Variants in SLC16A7 observed in about 807,000 individuals in gnomAD.
SLC16A7 encodes the protein solute carrier family 16 member 7, also known as monocarboxylate transporter 2.
Under a neutral mutation model 34.9 loss-of-function variants are expected in SLC16A7, and 33 were observed. The ratio of observed to expected loss-of-function variants is 0.94; its 90% CI spans 0.72 to 1.26. The LOEUF is 1.26. Among genes scored for constraint, SLC16A7 ranks in the 50% most tolerant of loss-of-function variants. SLC16A7 has a pLI of 0.00. For synonymous variants in SLC16A7, 201 were observed against 206.6 expected (o/e 0.97, Z 0.23); for missense variants, 573 against 578.1 (o/e 0.99, Z 0.09).
intron 1 of SLC16A7, among the ~76,000 whole-genome samples, chr12:59,651,729 C>T (rs973424091): frequency 2.0e-5 from 3 of 152,162 alleles, no homozygotes; most frequent in Non-Finnish European, 4.4e-5. Context: ...TAGTCAGCCA[C>T]TTATCAGCTG....
chr12:59,642,579 A>T (rs189665036), intron 1 of SLC16A7, among the ~76,000 whole-genome samples: 3 of 152,224 alleles, frequency 2.0e-5, no homozygotes, highest in African/African-American at 7.2e-5. Context: ...AAAGTTAAGA[A>T]TGAAGATGGA....
chr12:59,686,906 A>G (rs935507216), intron 2 of SLC16A7, among the ~76,000 whole-genome samples: 3 of 152,040 alleles, frequency 2.0e-5, no homozygotes, highest in African/African-American at 7.2e-5. Context: ...AATATATTAT[A>G]TATTTGAAAA....
intron 2 of SLC16A7, among the ~76,000 whole-genome samples, chr12:59,656,726 G>C (rs528919462): frequency 1.7e-4 from 26 of 152,056 alleles, no homozygotes; most frequent in African/African-American, 5.8e-4. Context: ...TATGCCAAGA[G>C]GTTATTAGGT....
rs190756927 is a variant in SLC16A7 at position 59,702,535 on chromosome 12, G to A, written c.-30-2237G>A. The stretch of plus-strand genomic sequence containing the variant: ...TGCACGACATTAACTTATAGAAGTG[G>A]CTTTGCCCCAATTACTGTGATTGAC... On this transcript the variant is annotated intron_variant, in intron 2 of 5. Coordinates refer to ENST00000547379, the MANE Select transcript of SLC16A7 (RefSeq NM_001270623.2). Among the ~76,000 whole-genome samples the A allele has an allele frequency of 1.4e-3, 218 of 152,106 alleles. 1 individual carries two copies. The highest frequency in any genetic ancestry group is 5.2e-3 in the African/African-American group (214 of 41,546).
Position 59,774,758 on chromosome 12 carries a change from C to A in SLC16A7, c.463C>A (p.Pro155Thr). ...AAATGGATTGGCCATGGCAGGAAGT[C>A]CTGTTTTCTTAAGTTCATTGGCTCC... ...MANGLAMAGS[P>T]VFLSSLAPFN... The change falls in exon 5 of 6, where the codon CCT becomes ACT. Residue 155 changes from proline to threonine, a missense_variant. Coordinates refer to ENST00000547379, the MANE Select transcript of SLC16A7 (RefSeq NM_001270623.2). 3.1e-6 allele frequency: 5 copies of A among 1,613,814 alleles called. No individual in the cohort carries two copies. The highest frequency in any genetic ancestry group is 4.2e-6 in the Non-Finnish European group (5 of 1,179,862).
At chr12:59,732,342 C>A (rs2137247303) in intron 3 of SLC16A7, among the ~76,000 whole-genome samples, 1 of 152,202 alleles carries the variant, frequency 6.6e-6, no homozygotes, top group Non-Finnish European at 1.5e-5. Flanking sequence ...ATTGCTTGAA[C>A]CTGGGAGGTG....
intron 1 of SLC16A7, among the ~76,000 whole-genome samples, chr12:59,609,091 A>G (rs915884905): frequency 6.6e-6 from 1 of 152,230 alleles, no homozygotes; most frequent in Non-Finnish European, 1.5e-5. Context: ...AAGGCATACA[A>G]TTTATTGTCA....
intron 2 of SLC16A7, among the ~76,000 whole-genome samples, chr12:59,694,764 C>A (rs1026309940): frequency 1.3e-5 from 2 of 151,872 alleles, no homozygotes; most frequent in African/African-American, 4.8e-5. Context: ...AAAACACTAC[C>A]TTTCATTTTT....
intron 3 of SLC16A7, among the ~76,000 whole-genome samples, chr12:59,744,791 G>T (rs778285265): frequency 2.0e-5 from 3 of 152,172 alleles, no homozygotes; most frequent in Non-Finnish European, 4.4e-5. Context: ...GGCCCTGGAT[G>T]GAGATTGGTC....
intron 3 of SLC16A7, 60 bp from the exon 4 acceptor site, chr12:59,771,159 A>AAGAT (rs1882181938): frequency 6.6e-7 from 1 of 1,514,318 alleles, no homozygotes; most frequent in Non-Finnish European, 9.0e-7. Flanking sequence ...TTGGATGTTA[A>AAGAT]AGATAAACAA....
Position 59,760,931 on chromosome 12 carries a change from C to A in SLC16A7, c.218-10288C>A, listed in dbSNP as rs949288578. 5.9e-5 allele frequency among the ~76,000 whole-genome samples: 9 copies of A among 152,196 alleles called. No homozygotes were observed. The East Asian group carries it at 1.7e-3, about 29-fold the overall frequency. ...AAATAAAAAGACATGAAGCAAGGAGCAGATTGGTTAATCGTTTCATTGTTG... is the reference window on the plus strand; with the variant it reads ...AAATAAAAAGACATGAAGCAAGGAGAAGATTGGTTAATCGTTTCATTGTTG... On this transcript the variant is annotated intron_variant, in intron 3 of 5. Transcript: ENST00000547379.
At chr12:59,693,179 A>G (rs530962163) in intron 2 of SLC16A7, among the ~76,000 whole-genome samples, 3 of 152,046 alleles carry the variant, frequency 2.0e-5, no homozygotes, top group African/African-American at 4.8e-5. Context: ...AGTGAAACCA[A>G]TAGTCTAAGA....
At chr12:59,758,516 A>T (rs1880654978) in intron 3 of SLC16A7, among the ~76,000 whole-genome samples, 1 of 152,108 alleles carries the variant, frequency 6.6e-6, no homozygotes, top group Non-Finnish European at 1.5e-5. Context: ...ATTCAATCAT[A>T]ATAATTCATA....
At chr12:59,658,277 T>C (rs999008260) in intron 2 of SLC16A7, among the ~76,000 whole-genome samples, 4 of 151,994 alleles carry the variant, frequency 2.6e-5, no homozygotes. Context: ...CTCCCACACT[T>C]CACTAATTGG....
chr12:59,681,650 G>C (rs1400223679), intron 2 of SLC16A7, among the ~76,000 whole-genome samples: 1 of 152,156 alleles, frequency 6.6e-6, no homozygotes, highest in Admixed American at 6.5e-5. Context: ...GGAATGAAGA[G>C]TAGTTCTCAC....
chr12:59,669,385 A>T (rs950126166), intron 2 of SLC16A7, among the ~76,000 whole-genome samples: 19 of 152,154 alleles, frequency 1.2e-4, no homozygotes, highest in Middle Eastern at 3.4e-3. Context: ...GTATATATAG[A>T]TTTCTTTTGT....
At chr12:59,689,895 C>G (rs1197610459) in intron 2 of SLC16A7, among the ~76,000 whole-genome samples, 1 of 151,962 alleles carries the variant, frequency 6.6e-6, no homozygotes, top group Non-Finnish European at 1.5e-5. Context: ...GAATTCTAAA[C>G]TTTCTAGGAA....
At chr12:59,752,702 C>T (rs1351234165) in intron 3 of SLC16A7, among the ~76,000 whole-genome samples, 1 of 152,188 alleles carries the variant, frequency 6.6e-6, no homozygotes. Context: ...TCCAGGAGAA[C>T]TTCCCCAATC....
chr12:59,670,649 A>G (rs551848401), intron 2 of SLC16A7, among the ~76,000 whole-genome samples: 24 of 152,226 alleles, frequency 1.6e-4, no homozygotes, highest in Non-Finnish European at 3.2e-4. Context: ...TGGGATGGAT[A>G]GGGAATAGAC....
Sources: gnomAD v4.1 joint callset for allele counts (sites outside exome capture counted in the v4.1 genomes callset) on GRCh38, gnomAD v4.1.1 for gene constraint, MANE v1.5 for transcripts, NCBI Gene and HGNC (gene_info 2026-07-23, HGNC 2026-07-21) for gene names.